Variants in CADM3 observed in about 807,000 individuals in gnomAD.
The protein encoded by CADM3 is cell adhesion molecule 3, also known as TSLC1-like 1.
In CADM3, 11 loss-of-function variants were observed where a neutral mutation model predicts 44.9. That is an observed-to-expected ratio of 0.25 (90% CI 0.15 to 0.41). The LOEUF (loss-of-function observed/expected upper bound fraction) is 0.41. Ranked by LOEUF, CADM3 falls within the 10% of genes least tolerant of loss-of-function variation. The probability of loss-of-function intolerance (pLI) is 1.00; values close to 1 mark genes in which losing one functional copy is unlikely to be tolerated. For missense variants in CADM3, 426 were observed against 512.0 expected (o/e 0.83, Z 1.62); for synonymous variants, 207 against 205.2 (o/e 1.01, Z -0.08).
chr1:159,200,564 CT>C (rs1650140352), intron 8 of CADM3, among the ~76,000 whole-genome samples: 1 of 90,318 alleles, frequency 1.1e-5, no homozygotes, highest in South Asian at 2.6e-4. Context: ...ACTTCTCTTT[CT>C]TGCTTTGTAT....
At chr1:159,183,325 T>A (rs1381891322) in intron 1 of CADM3, among the ~76,000 whole-genome samples, 1 of 152,216 alleles carries the variant, frequency 6.6e-6, no homozygotes, top group African/African-American at 2.4e-5. Flanking sequence ...TTCACTCATA[T>A]CCTGTATGCC....
At chr1:159,200,518 GCACACACACACA>G (rs56164429) in intron 8 of CADM3, among the ~76,000 whole-genome samples, 6,748 of 150,968 alleles carry the variant, frequency 0.045, 166 homozygotes, top group Middle Eastern at 0.066. Flanking sequence ...ATGCGTGCAA[GCACACACACACA>G]CACACACACA....
intron 3 of CADM3, among the ~76,000 whole-genome samples, chr1:159,193,095 C>T (rs2102124886): frequency 6.6e-6 from 1 of 152,256 alleles, no homozygotes; most frequent in South Asian, 2.1e-4. Context: ...TCATCTTCAT[C>T]CTATATTTCA....
intron 7 of CADM3, 30 bp downstream of exon 7, chr1:159,197,090 A>G: frequency 6.2e-7 from 1 of 1,604,624 alleles, no homozygotes; most frequent in Non-Finnish European, 8.5e-7. Flanking sequence ...CTTCCTCCAG[A>G]ATCTCCTTTC....
At chr1:159,189,588 T>G (rs1649562735) in intron 1 of CADM3, among the ~76,000 whole-genome samples, 1 of 152,210 alleles carries the variant, frequency 6.6e-6, no homozygotes, top group Non-Finnish European at 1.5e-5. Context: ...AAAAGTCACT[T>G]CCTTTTTCAG....
intron 1 of CADM3, among the ~76,000 whole-genome samples, chr1:159,190,707 T>C (rs1456256501): frequency 6.6e-6 from 1 of 152,140 alleles, no homozygotes; most frequent in Non-Finnish European, 1.5e-5. Context: ...TGGCTATTTC[T>C]TGGAAATGGA....
chr1:159,197,241 G>A, intron 7 of CADM3, 181 bp downstream of exon 7: 1 of 578,858 alleles, frequency 1.7e-6, no homozygotes, highest in Non-Finnish European at 3.0e-6. Flanking sequence ...ATGTGTAATG[G>A]CCGCTTAGTG....
intron 5 of CADM3, chr1:159,195,280 G>A (rs1649841748): frequency 6.6e-6 from 1 of 152,174 alleles, no homozygotes; most frequent in South Asian, 2.1e-4. Flanking sequence ...GTTATTGTGA[G>A]GATAAATAAA....
chr1:159,171,867 G>T lies in CADM3; in HGVS notation c.88+14G>T. The stretch of plus-strand genomic sequence containing the variant: ...TCTCCCAGGACGGTGAGTGAGGGAG[G>T]GGGCGGCGCCTGGGGAGGTGGGGAG... On this transcript the variant is annotated intron_variant, in intron 1 of 8. Coordinates refer to ENST00000368125, the MANE Select transcript of CADM3 (RefSeq NM_001127173.3). 8.1e-7 allele frequency: 1 copy of T among 1,236,678 alleles called. No individual in the cohort carries two copies. The highest frequency in any genetic ancestry group is 1.5e-5 in the African/African-American group (1 of 64,654). 76.6% of individuals were successfully genotyped at this position (1,236,678 alleles called of 1,614,324 possible).
At chr1:159,176,905 T>C (rs1020695931) in intron 1 of CADM3, among the ~76,000 whole-genome samples, 5 of 152,284 alleles carry the variant, frequency 3.3e-5, no homozygotes, top group Admixed American at 1.3e-4. Context: ...AACTTCTAAA[T>C]CCTGAGAACA....
At chr1:159,189,391 C>A (rs192877465) in intron 1 of CADM3, among the ~76,000 whole-genome samples, 2 of 152,292 alleles carry the variant, frequency 1.3e-5, no homozygotes, top group African/African-American at 2.4e-5. Flanking sequence ...AATGAGAAAT[C>A]TTTGGTGGTC....
intron 7 of CADM3, 86 bp from the exon 8 acceptor site, chr1:159,199,665 G>A: frequency 6.3e-7 from 1 of 1,579,874 alleles, no homozygotes; most frequent in Non-Finnish European, 8.7e-7. Context: ...GTTCCCTGCT[G>A]TGTAAGACTA....
rs555941808 is a variant in CADM3, at chr1:159,185,513, C to T, written c.89-6423C>T. Among the ~76,000 whole-genome samples the T allele has an allele frequency of 5.3e-5, 8 of 152,180 alleles. No homozygotes were observed. The South Asian group carries it at 1.7e-3, about 32-fold the overall frequency. ...GTTTAAAGTCCATCCTATCCCAGTA[C>T]TTATTAGATACATCATAAGGACAAG... On this transcript the variant is annotated intron_variant, in intron 1 of 8. Transcript: ENST00000368125.
rs114499140 is a variant in CADM3 at position 159,193,854 on chromosome 1, T to C, written c.521-16T>C. 2,277 of 1,611,102 alleles carry C rather than the reference T, an allele frequency of 1.4e-3. 32 individuals carry two copies. The African/African-American group carries it at 0.027, about 19-fold the overall frequency. On this transcript the variant is annotated splice_polypyrimidine_tract_variant and intron_variant, in intron 4 of 8. Transcript: ENST00000368125. Reference sequence around the variant, plus strand: ...CTCTGTGTGTTTGTGTGTGTGCCACTGTTTCTGCACTCTAGGAGAACCAAC... The same window carrying C: ...CTCTGTGTGTTTGTGTGTGTGCCACCGTTTCTGCACTCTAGGAGAACCAAC...
chr1:159,193,949 G>A lies in CADM3; in HGVS notation c.600G>A (p.Arg200=). Residue 200 remains arginine, a synonymous_variant, in exon 5 of 9, where the codon CGG becomes CGA. Transcript: ENST00000368125. ...VSSSVTFQVT[R]EDDGASIVCS... The stretch of plus-strand genomic sequence containing the variant: ...GCTCGGTGACATTCCAGGTTACCCG[G>A]GAGGATGATGGGGCGAGCATCGTGT... 6.2e-7 allele frequency: 1 copy of A among 1,614,164 alleles called. No individual in the cohort carries two copies. The highest frequency in any genetic ancestry group is 2.2e-5 in the East Asian group (1 of 44,880).
At chr1:159,198,384 A>G (rs1649996723) in intron 7 of CADM3, among the ~76,000 whole-genome samples, 2 of 152,076 alleles carry the variant, frequency 1.3e-5, no homozygotes, top group South Asian at 4.1e-4. Flanking sequence ...ACTGTCTCGC[A>G]TACTCCCTGA....
chr1:159,195,566 G>A (rs530374341), intron 5 of CADM3: 1 of 152,376 alleles, frequency 6.6e-6, no homozygotes, highest in Admixed American at 6.5e-5. Context: ...CTGTGCTAGA[G>A]GTTTCTATGG....
chr1:159,187,202 A>C (rs577136804), intron 1 of CADM3, among the ~76,000 whole-genome samples: 1 of 152,386 alleles, frequency 6.6e-6, no homozygotes, highest in East Asian at 1.9e-4. Flanking sequence ...TACATAGCAC[A>C]GTGCCAAGTG....
At chr1:159,172,055 G>T (rs957455098) in intron 1 of CADM3, among the ~76,000 whole-genome samples, 4 of 152,168 alleles carry the variant, frequency 2.6e-5, no homozygotes, top group Admixed American at 2.0e-4. Flanking sequence ...GCACCCTTCT[G>T]TGTACACCAC....
Sources: allele counts gnomAD v4.1 joint callset (sites outside exome capture counted in the v4.1 genomes callset), GRCh38; gene constraint gnomAD v4.1.1; transcripts MANE v1.5; gene names NCBI Gene and HGNC (gene_info 2026-07-23, HGNC 2026-07-21).